Variants in CNIH1 observed in about 807,000 individuals in gnomAD.
The protein encoded by CNIH1 is protein cornichon homolog 1.
CNIH1 carries 12 observed loss-of-function variants against 20.2 expected under a neutral mutation model. The observed-to-expected ratio is 0.59, with a 90% CI of 0.38 to 0.96. CNIH1 has a LOEUF of 0.96. CNIH1 is among the 40% of genes least tolerant of loss of function. The pLI is 0.00. For synonymous variants in CNIH1, 69 were observed against 63.3 expected, an observed-to-expected ratio of 1.09 and a Z score of -0.43; for missense variants, 152 against 178.8, an observed-to-expected ratio of 0.85 and a Z score of 0.85.
chr14:54,432,156 C>A lies in CNIH1; in HGVS notation c.215G>T (p.Trp72Leu), dbSNP rs768514626. The A allele has an allele frequency of 3.2e-6, 5 of 1,570,140 alleles. No homozygotes were observed. The African/African-American group carries it at 5.4e-5, about 17-fold the overall frequency. ...GGGCATATTGAGACCCAGTGTAAGC[C>A]ACTCTGCTGCACAAAGAAACATGAC... is the stretch of plus-strand genomic sequence containing the variant. ...FCVMFLCAAEWLTLGLNMPLL... is the reference protein window; with the variant it reads ...FCVMFLCAAELLTLGLNMPLL... Residue 72 changes from tryptophan (W) to leucine (L), a missense_variant, in exon 3 of 5, where the codon TGG (tryptophan) becomes TTG (leucine). Physicochemically the swap from Trp to Leu is moderately conservative, Grantham distance 61 (BLOSUM62 -2). Coordinates refer to ENST00000216416, the MANE Select transcript of CNIH1 (RefSeq NM_005776.3).
At chr14:54,434,048 G>GA (rs1205116572) in intron 2 of CNIH1, among the ~76,000 whole-genome samples, 6 of 151,656 alleles carry the variant, frequency 4.0e-5, no homozygotes, top group African/African-American at 1.2e-4. Flanking sequence ...CTAGTATCCA[G>GA]AAAAAAAACC....
intron 3 of CNIH1, 33 bp downstream of exon 3, chr14:54,432,075 T>TA (rs1227292970): frequency 1.7e-6 from 2 of 1,204,214 alleles, no homozygotes; most frequent in Non-Finnish European, 2.3e-6. Context: ...AGTTTTAATT[T>TA]AAAAAAATAT....
At chr14:54,441,219 C>T (rs906836637) in intron 1 of CNIH1, 28 bp downstream of exon 1, 26 of 1,487,494 alleles carry the variant, frequency 1.7e-5, no homozygotes, top group African/African-American at 1.2e-4. Flanking sequence ...GCCGCCTCGC[C>T]CTCCTTTCCC....
At chr14:54,434,079 T>G (rs747488178) in intron 2 of CNIH1, among the ~76,000 whole-genome samples, 27 of 152,100 alleles carry the variant, frequency 1.8e-4, no homozygotes, top group Non-Finnish European at 2.6e-4. Context: ...ATGGCTGAAA[T>G]GATAACATTT....
rs1002083338 is a variant in CNIH1, at chr14:54,425,514, A to G, written c.*2300T>C. The stretch of plus-strand genomic sequence containing the variant: ...GGAATAATAGGCTAGGGCCACCCCA[A>G]AGAGATTGATGTGGAAAATAAATCC... On this transcript the variant is annotated 3_prime_UTR_variant, in exon 5 of 5. Coordinates refer to ENST00000216416, the MANE Select transcript of CNIH1 (RefSeq NM_005776.3). The G allele has an allele frequency of 1.3e-5, 2 of 152,220 alleles. No homozygotes were observed. Among genetic ancestry groups the G allele is most frequent in the African/African-American group, 4.8e-5 (2 of 41,450 alleles). The allele number at this position is 152,220 out of a possible 1,614,324, so 9.4% of individuals were successfully genotyped here.
intron 1 of CNIH1, among the ~76,000 whole-genome samples, chr14:54,439,048 G>A (rs976420315): frequency 1.3e-5 from 2 of 152,118 alleles, no homozygotes; most frequent in African/African-American, 2.4e-5. Context: ...AGAATCCTGA[G>A]GTAAATAAAC....
chr14:54,441,152 A>T, intron 1 of CNIH1, 95 bp downstream of exon 1: 2 of 1,253,898 alleles, frequency 1.6e-6, no homozygotes, highest in Non-Finnish European at 2.0e-6. Context: ...CGACGCGCAA[A>T]GCCCCGGCGG....
intron 4 of CNIH1, among the ~76,000 whole-genome samples, chr14:54,428,599 A>C (rs900443577): frequency 6.6e-6 from 1 of 152,170 alleles, no homozygotes; most frequent in Middle Eastern, 3.2e-3. Flanking sequence ...CACATCTCCA[A>C]CTTTATCATT....
chr14:54,437,704 A>C (rs770705926), intron 1 of CNIH1, among the ~76,000 whole-genome samples: 5 of 151,944 alleles, frequency 3.3e-5, no homozygotes, highest in Non-Finnish European at 7.4e-5. Flanking sequence ...AGAACTCACC[A>C]GGGGGATTTC....
intron 2 of CNIH1, among the ~76,000 whole-genome samples, chr14:54,434,544 G>A (rs925728800): frequency 1.3e-5 from 2 of 152,126 alleles, no homozygotes; most frequent in African/African-American, 2.4e-5. Flanking sequence ...CTATTCATGA[G>A]ATAACAATTT....
At chr14:54,431,027 G>A (rs1044657754) in intron 3 of CNIH1, among the ~76,000 whole-genome samples, 2 of 151,816 alleles carry the variant, frequency 1.3e-5, no homozygotes, top group Non-Finnish European at 2.9e-5. Context: ...GTTTTGCCAC[G>A]TTGCCCAGTC....
intron 1 of CNIH1, chr14:54,436,668 A>G (rs1168262205): frequency 5.3e-6 from 3 of 566,350 alleles, no homozygotes; most frequent in South Asian, 1.9e-5. Context: ...TGTAATAAAT[A>G]CCTTCAATTT....
At chr14:54,439,760 C>T (rs1453885566) in intron 1 of CNIH1, among the ~76,000 whole-genome samples, 1 of 152,010 alleles carries the variant, frequency 6.6e-6, no homozygotes, top group African/African-American at 2.4e-5. Flanking sequence ...CCATGTTGGC[C>T]AGGCTGGTCT....
At chr14:54,431,723 G>T (rs1019393325) in intron 3 of CNIH1, among the ~76,000 whole-genome samples, 1 of 152,138 alleles carries the variant, frequency 6.6e-6, no homozygotes, top group Non-Finnish European at 1.5e-5. Flanking sequence ...GTTGATAGAG[G>T]TCAGTGGTCT....
chr14:54,424,222 G>A lies in CNIH1; in HGVS notation c.*3592C>T, dbSNP rs1347630324. On this transcript the variant is annotated 3_prime_UTR_variant, in exon 5 of 5. Transcript: ENST00000216416. ...GCTTAAAATGATCTAAGGCTAGCAT[G>A]ATTAATAGTTTCCAAAAAGGATGAA... 6.6e-6 allele frequency: 1 copy of A among 152,198 alleles called. No individual in the cohort carries two copies. The highest frequency in any genetic ancestry group is 1.5e-5 in the Non-Finnish European group (1 of 68,042). The allele number at this position is 152,198 out of a possible 1,614,324, so 9.4% of individuals were successfully genotyped here. A position where few individuals can be genotyped will look rare whatever the true frequency, so the allele number is the denominator to read the frequency against.
At chr14:54,430,131 G>A (rs2030904786) in intron 4 of CNIH1, 130 bp downstream of exon 4, 2 of 926,746 alleles carry the variant, frequency 2.2e-6, no homozygotes, top group Non-Finnish European at 3.3e-6. Flanking sequence ...CGAATTTGCT[G>A]GTGTGCACCA....
Position 54,426,810 on chromosome 14 carries a change from T to C in CNIH1, c.*1004A>G, listed in dbSNP as rs558980460. On this transcript the variant is annotated 3_prime_UTR_variant, in exon 5 of 5. Transcript: ENST00000216416. ...TCCTTTTTAGATCTAGGCATGGTAT[T>C]TTTCAGAAAACCCATAATGTAGTAC... 2 of 152,200 alleles carry C rather than the reference T, an allele frequency of 1.3e-5. No individual in the cohort carries two copies. Among genetic ancestry groups the C allele is most frequent in the Non-Finnish European group, 2.9e-5 (2 of 68,022 alleles). The allele number at this position is 152,200 out of a possible 1,614,324, so 9.4% of individuals were successfully genotyped here.
In CNIH1 at chr14:54,432,159, T is replaced by G; in HGVS notation, c.212A>C (p.Glu71Ala). ...CATATTGAGACCCAGTGTAAGCCAC[T>G]CTGCTGCACAAAGAAACATGACACA... ...FFCVMFLCAA[E>A]WLTLGLNMPL... Residue 71 changes from glutamate to alanine, a missense_variant, in exon 3 of 5, where the codon GAG becomes GCG. This residue lies in a region of CNIH1 where 97 missense variants were observed against 100.6 expected (regional missense o/e 0.96). Transcript: ENST00000216416. The G allele has an allele frequency of 1.9e-6, 3 of 1,571,570 alleles. No homozygotes were observed. Among genetic ancestry groups the G allele is most frequent in the Non-Finnish European group, 2.6e-6 (3 of 1,157,454 alleles).
intron 3 of CNIH1, 36 bp downstream of exon 3, chr14:54,432,072 A>G (rs1480823975): frequency 8.5e-7 from 1 of 1,180,634 alleles, no homozygotes; most frequent in South Asian, 1.8e-5. Context: ...TTAAGTTTTA[A>G]TTTAAAAAAA....
Sources: gnomAD v4.1 joint callset for allele counts (sites outside exome capture counted in the v4.1 genomes callset) on GRCh38, gnomAD v4.1.1 for gene constraint, gnomAD v4.1.1 regional missense constraint, MANE v1.5 for transcripts, NCBI Gene and HGNC (gene_info 2026-07-23, HGNC 2026-07-21) for gene names.